HERC2: variants seen among roughly 807,000 people sequenced by gnomAD.
The protein encoded by HERC2 is HECT and RLD domain containing E3 ubiquitin protein ligase 2.
Under a neutral mutation model 537.7 loss-of-function variants are expected in HERC2, and 102 were observed. That is an observed-to-expected ratio of 0.19 (90% CI 0.16 to 0.22). The LOEUF is 0.22. Ranked by LOEUF, HERC2 falls within the 10% of genes least tolerant of loss-of-function variation. The pLI is 1.00. For synonymous variants in HERC2, 2,224 were observed against 2,466.2 expected (o/e 0.90, Z 2.91); for missense variants, 4,236 against 6,198.2 (o/e 0.68, Z 10.63).
intron 26 of HERC2, among the ~76,000 whole-genome samples, chr15:28,236,519 G>A (rs1337338736): frequency 6.6e-6 from 1 of 151,970 alleles, no homozygotes; most frequent in East Asian, 1.9e-4. Context: ...TTGAACTCCT[G>A]ACCTCAGGTG....
rs752755898 is a variant in HERC2 at position 28,233,148 on chromosome 15, C to A, written c.4673G>T (p.Arg1558Ile). 5 of 1,610,108 alleles carry A rather than the reference C, an allele frequency of 3.1e-6. No individual in the cohort carries two copies. In the East Asian group the frequency reaches 1.1e-4, roughly 36 times the overall value. The stretch of plus-strand genomic sequence containing the variant: ...CTTCTGTCCTTTTACATTCTTACCT[C>A]TCTTTTTCCTTCGTTCTCGAATTAT... Reference protein sequence around the residue: ...QKIIRERRKKRVPKKPESTDD... With the variant: ...QKIIRERRKKIVPKKPESTDD... The change falls in exon 30 of 93, where the codon AGA becomes ATA. Residue 1558 changes from arginine (R) to isoleucine (I), a missense_variant and splice_region_variant. Arg to Ile is a moderately conservative substitution (Grantham distance 97, BLOSUM62 -3). This residue lies in a region of HERC2 where 343 missense variants were observed against 417.2 expected (regional missense o/e 0.82). Coordinates refer to ENST00000261609, the MANE Select transcript of HERC2 (RefSeq NM_004667.6).
At chr15:28,318,502 C>A (rs944871336) in intron 2 of HERC2, among the ~76,000 whole-genome samples, 1 of 152,112 alleles carries the variant, frequency 6.6e-6, no homozygotes, top group Non-Finnish European at 1.5e-5. Flanking sequence ...GTGGTGGACA[C>A]CCGTAGTCCC....
intron 89 of HERC2, 47 bp downstream of exon 89, chr15:28,115,382 C>T (rs766147564): frequency 7.7e-7 from 1 of 1,304,930 alleles, no homozygotes; most frequent in Non-Finnish European, 1.1e-6. Flanking sequence ...CAGACTGTGC[C>T]TGTTAACAAG....
Position 28,259,930 on chromosome 15 carries a change from T to C in HERC2, c.2316+847A>G, listed in dbSNP as rs150830180. Among the ~76,000 whole-genome samples, 640 of 138,622 alleles carry C rather than the reference T, an allele frequency of 4.6e-3. 6 individuals carry two copies. Among genetic ancestry groups the C allele is most frequent in the African/African-American group, 0.017 (601 of 35,880 alleles). 90.9% of individuals were successfully genotyped at this position (138,622 alleles called of 152,430 possible). A position where few individuals can be genotyped will look rare whatever the true frequency, so the allele number is the denominator to read the frequency against. On this transcript the variant is annotated intron_variant, in intron 16 of 92. Coordinates refer to ENST00000261609, the MANE Select transcript of HERC2 (RefSeq NM_004667.6). ...TTGCAGAGAGCTGAGATTGCACCAA[T>C]GCACTCCAGTCTGGGTGACAGAGTG...
At chr15:28,237,407 T>A in intron 25 of HERC2, among the ~76,000 whole-genome samples, 1 of 152,226 alleles carries the variant, frequency 6.6e-6, no homozygotes, top group African/African-American at 2.4e-5. Context: ...GTTTCCAAAG[T>A]GACTGTACAC....
At chr15:28,149,732 C>A (rs1892204883) in intron 70 of HERC2, among the ~76,000 whole-genome samples, 2 of 151,914 alleles carry the variant, frequency 1.3e-5, no homozygotes, top group Admixed American at 1.3e-4. Flanking sequence ...AGTAAAATTA[C>A]CGAAAAAACA....
At chr15:28,222,921 C>T (rs866833637) in intron 35 of HERC2, among the ~76,000 whole-genome samples, 9 of 152,176 alleles carry the variant, frequency 5.9e-5, no homozygotes, top group Non-Finnish European at 1.2e-4. Flanking sequence ...CAGTTAAGCT[C>T]GTCCTGTGTG....
chr15:28,258,211 T>C (rs1172292407), intron 16 of HERC2, among the ~76,000 whole-genome samples: 1 of 152,148 alleles, frequency 6.6e-6, no homozygotes, highest in Non-Finnish European at 1.5e-5. Context: ...GGCTCACGCC[T>C]GTAATCCAAA....
chr15:28,295,488 C>A (rs1367054196), intron 3 of HERC2, among the ~76,000 whole-genome samples: 2 of 152,144 alleles, frequency 1.3e-5, no homozygotes, highest in African/African-American at 4.8e-5. Context: ...TCAAGTGATT[C>A]TCCCAAGTTC....
chr15:28,124,166 C>T lies in HERC2; in HGVS notation c.13059G>A (p.Leu4353=), dbSNP rs767655933. The T allele has an allele frequency of 1.9e-6, 3 of 1,575,082 alleles. No homozygotes were observed. Among genetic ancestry groups the T allele is most frequent in the Middle Eastern group, 1.7e-4 (1 of 5,930 alleles). The change falls in exon 85 of 93, where the codon CTG becomes CTA. Residue 4353 remains leucine, a synonymous_variant. Coordinates refer to ENST00000261609, the MANE Select transcript of HERC2 (RefSeq NM_004667.6). The part of the protein sequence containing the change: ...IIALRNRLLL[L]HHLSELFCPC... ...GGCAGAAGAGCTCGGAGAGGTGGTG[C>T]AGCAGCAGCAGACGGTTCCTCAGCG...
At chr15:28,173,295 T>C (rs1021541371) in intron 65 of HERC2, among the ~76,000 whole-genome samples, 10 of 152,128 alleles carry the variant, frequency 6.6e-5, no homozygotes, top group Non-Finnish European at 1.3e-4. Flanking sequence ...ATTTCACTTG[T>C]ATAGTCAACT....
intron 24 of HERC2, 134 bp from the exon 25 acceptor site, chr15:28,238,351 CT>C: frequency 1.2e-6 from 1 of 818,704 alleles, no homozygotes; most frequent in South Asian, 1.4e-5. Flanking sequence ...TGACCTTCTA[CT>C]GTCTCCCAGG....
At chr15:28,311,977 C>G (rs1262565723) in intron 2 of HERC2, among the ~76,000 whole-genome samples, 1 of 152,180 alleles carries the variant, frequency 6.6e-6, no homozygotes, top group African/African-American at 2.4e-5. Context: ...TCGATTATTA[C>G]CTGGGTAGCA....
chr15:28,227,168 G>C (rs557949741), intron 35 of HERC2, among the ~76,000 whole-genome samples: 5 of 152,102 alleles, frequency 3.3e-5, no homozygotes, highest in Non-Finnish European at 5.9e-5. Context: ...CCAGCTACTC[G>C]GGAGGCTGAG....
intron 56 of HERC2, among the ~76,000 whole-genome samples, chr15:28,183,104 G>A (rs538839844): frequency 3.3e-5 from 5 of 152,114 alleles, no homozygotes; most frequent in Non-Finnish European, 4.4e-5. Context: ...CCTGATCATC[G>A]GCCAGCTAAG....
intron 83 of HERC2, among the ~76,000 whole-genome samples, chr15:28,128,404 C>T (rs1353848594): frequency 6.6e-6 from 1 of 152,178 alleles, no homozygotes; most frequent in Admixed American, 6.5e-5. Flanking sequence ...TAAGCAAGTT[C>T]TAGGTAATGT....
chr15:28,212,913 T>C lies in HERC2; in HGVS notation c.6787-330A>G, dbSNP rs566267700. 3.5e-5 allele frequency: 16 copies of C among 452,298 alleles called. 1 individual carries two copies. In the South Asian group the frequency reaches 1.3e-3, roughly 37 times the overall value. The allele number at this position is 452,298 out of a possible 1,614,324, so 28.0% of individuals were successfully genotyped here. On this transcript the variant is annotated intron_variant, in intron 42 of 92. Transcript: ENST00000261609. ...CCTATAATAATAAAAAAGAGTACTT[T>C]ATAGAAAATATAGTCAGGCCAGGCA...
intron 67 of HERC2, 70 bp from the exon 68 acceptor site, chr15:28,167,897 A>G (rs1894310825): frequency 1.3e-6 from 2 of 1,502,716 alleles, no homozygotes; most frequent in Admixed American, 4.4e-5. Flanking sequence ...TTTCCTATGC[A>G]AGTCCCAAAT....
intron 2 of HERC2, among the ~76,000 whole-genome samples, chr15:28,314,214 A>T (rs1233073068): frequency 6.6e-6 from 1 of 152,226 alleles, no homozygotes; most frequent in African/African-American, 2.4e-5. Flanking sequence ...ACATCATTGA[A>T]AAATGAAAAA....
Sources: gnomAD v4.1 joint callset for allele counts (sites outside exome capture counted in the v4.1 genomes callset) on GRCh38, gnomAD v4.1.1 for gene constraint, gnomAD v4.1.1 regional missense constraint, MANE v1.5 for transcripts, NCBI Gene and HGNC (gene_info 2026-07-23, HGNC 2026-07-21) for gene names.